The following EPB41L1 variants were observed in gnomAD, a reference collection of about 807,000 sequenced individuals.
EPB41L1 encodes band 4.1-like protein 1.
A neutral mutation model predicts 97.8 loss-of-function variants in EPB41L1; 29 were observed. The observed-to-expected ratio is 0.30, with a 90% CI of 0.22 to 0.40. The LOEUF (loss-of-function observed/expected upper bound fraction) is 0.40, where lower values mean the gene tolerates loss of function less well. Ranked by LOEUF, EPB41L1 falls within the 10% of genes least tolerant of loss-of-function variation. The pLI is 1.00. For missense variants in EPB41L1, 812 were observed against 1,162.3 expected, an observed-to-expected ratio of 0.70 and a Z score of 4.38; for synonymous variants, 383 against 459.2, an observed-to-expected ratio of 0.83 and a Z score of 2.12.
chr20:36,225,057 A>G (rs2064030009), intron 21 of EPB41L1, among the ~76,000 whole-genome samples: 1 of 152,228 alleles, frequency 6.6e-6, no homozygotes, highest in Non-Finnish European at 1.5e-5. Context: ...CCTGACCTCA[A>G]GTGATCTGCC....
intron 14 of EPB41L1, chr20:36,208,380 T>C (rs2062946337): frequency 2.2e-6 from 1 of 446,642 alleles, no homozygotes; most frequent in Non-Finnish European, 4.5e-6. Context: ...GGGGGGCGCC[T>C]GAGATTTGCC....
At chr20:36,097,627 G>A (rs2057874549) in intron 1 of EPB41L1, among the ~76,000 whole-genome samples, 1 of 152,224 alleles carries the variant, frequency 6.6e-6, no homozygotes, top group Non-Finnish European at 1.5e-5. Flanking sequence ...CCACCGCAAG[G>A]ACAATGTACA....
intron 1 of EPB41L1, among the ~76,000 whole-genome samples, chr20:36,097,751 G>A (rs1018289022): frequency 3.3e-5 from 5 of 152,202 alleles, no homozygotes; most frequent in African/African-American, 7.2e-5. Context: ...AAGGCAGAAC[G>A]GCTTCTTAGG....
At chr20:36,205,096 A>G (rs943023450) in intron 14 of EPB41L1, among the ~76,000 whole-genome samples, 1 of 152,220 alleles carries the variant, frequency 6.6e-6, no homozygotes, top group African/African-American at 2.4e-5. Context: ...CACAGTGTTC[A>G]AGCTGTTTAA....
chr20:36,152,135 G>A (rs1569142776), upstream of EPB41L1: 1 of 152,094 alleles, frequency 6.6e-6, no homozygotes, highest in Non-Finnish European at 1.5e-5. Context: ...GATGAGGGAT[G>A]ATATTATCTC....
intron 14 of EPB41L1, among the ~76,000 whole-genome samples, chr20:36,202,283 G>A (rs561813316): frequency 6.6e-6 from 1 of 152,338 alleles, no homozygotes; most frequent in African/African-American, 2.4e-5. Flanking sequence ...TAACTATTGG[G>A]AAGTTTTCGT....
intron 1 of EPB41L1, among the ~76,000 whole-genome samples, chr20:36,169,381 A>G (rs2060880645): frequency 6.6e-6 from 1 of 151,990 alleles, no homozygotes; most frequent in Non-Finnish European, 1.5e-5. Context: ...CGCCTGCTCT[A>G]CCTCCCTTCA....
rs1017329615 is a variant in EPB41L1, at chr20:36,231,740, C to T, written c.*2400C>T. 1 of 152,644 alleles carries T rather than the reference C, an allele frequency of 6.6e-6. No individual in the cohort carries two copies. Among genetic ancestry groups the T allele is most frequent in the Admixed American group, 6.5e-5 (1 of 15,290 alleles). 9.5% of individuals were successfully genotyped at this position (152,644 alleles called of 1,614,324 possible). A position where few individuals can be genotyped will look rare whatever the true frequency, so the allele number is the denominator to read the frequency against. On this transcript the variant is annotated 3_prime_UTR_variant, in exon 22 of 22. Coordinates refer to ENST00000338074, the MANE Select transcript of EPB41L1 (RefSeq NM_012156.2). ...CCCCTGGTGCAGGCCGGTGGGTCCA[C>T]TCCAACTCCCCCTGAGTGTAGCAGC... is the stretch of plus-strand genomic sequence containing the variant.
intron 1 of EPB41L1, among the ~76,000 whole-genome samples, chr20:36,162,940 C>T (rs1407945795): frequency 6.6e-6 from 1 of 152,200 alleles, no homozygotes; most frequent in Non-Finnish European, 1.5e-5. Context: ...TCTTGCCTGG[C>T]TGTGAAAGTG....
intron 1 of EPB41L1, among the ~76,000 whole-genome samples, chr20:36,105,538 C>T (rs984325665): frequency 6.6e-6 from 1 of 152,178 alleles, no homozygotes; most frequent in East Asian, 1.9e-4. Flanking sequence ...ATTTATTGAG[C>T]ACCTATTATG....
chr20:36,222,663 A>T lies in EPB41L1; in HGVS notation c.2637+269A>T, dbSNP rs190880723. Among the ~76,000 whole-genome samples the T allele has an allele frequency of 8.3e-3, 1,271 of 152,228 alleles. 8 individuals carry two copies. Among genetic ancestry groups the T allele is most frequent in the Non-Finnish European group, 0.014 (966 of 67,996 alleles). ...AAAATAAATCCAGAAGTGGTTAAAA[A>T]TTTTTTTAAAGGGAGGGAAATGGAG... On this transcript the variant is annotated intron_variant, in intron 21 of 21. Transcript: ENST00000338074.
chr20:36,183,415 C>A (rs777593045), intron 6 of EPB41L1, among the ~76,000 whole-genome samples: 1 of 152,216 alleles, frequency 6.6e-6, no homozygotes, highest in African/African-American at 2.4e-5. Context: ...CGTCATTAGT[C>A]CTAGTTCTGA....
intron 1 of EPB41L1, among the ~76,000 whole-genome samples, chr20:36,098,606 C>G (rs1013469854): frequency 4.6e-5 from 7 of 152,222 alleles, no homozygotes; most frequent in African/African-American, 1.7e-4. Context: ...ATTTAGAACC[C>G]ACCCTAGTCC....
chr20:36,198,941 G>T (rs187251481), intron 14 of EPB41L1, among the ~76,000 whole-genome samples: 1 of 152,284 alleles, frequency 6.6e-6, no homozygotes, highest in African/African-American at 2.4e-5. Context: ...TGGGGATGTT[G>T]TAAGGATTAA....
intron 2 of EPB41L1, among the ~76,000 whole-genome samples, chr20:36,119,157 C>G (rs929142974): frequency 1.3e-5 from 2 of 152,240 alleles, no homozygotes; most frequent in African/African-American, 4.8e-5. Context: ...ACTAATCACA[C>G]ATGACTATGG....
chr20:36,218,422 C>G (rs2063569685), intron 17 of EPB41L1, among the ~76,000 whole-genome samples: 1 of 152,186 alleles, frequency 6.6e-6, no homozygotes, highest in African/African-American at 2.4e-5. Flanking sequence ...GTTTGCAAAA[C>G]CTTTTCTACT....
At chr20:36,145,714 C>T (rs2059807050) in intron 2 of EPB41L1, among the ~76,000 whole-genome samples, 1 of 152,250 alleles carries the variant, frequency 6.6e-6, no homozygotes, top group East Asian at 1.9e-4. Flanking sequence ...TGTTCTACAT[C>T]TGCACCGTCC....
At chr20:36,105,341 T>A (rs1057132712) in intron 1 of EPB41L1, among the ~76,000 whole-genome samples, 1 of 152,174 alleles carries the variant, frequency 6.6e-6, no homozygotes, top group Admixed American at 6.5e-5. Flanking sequence ...GAGCCATGTC[T>A]CTGGCATGCC....
intron 2 of EPB41L1, among the ~76,000 whole-genome samples, chr20:36,144,040 A>G (rs1412806238): frequency 6.6e-6 from 1 of 151,882 alleles, no homozygotes; most frequent in Non-Finnish European, 1.5e-5. Flanking sequence ...TTTAGTAGAG[A>G]TGGGGTTTCA....
Sources: allele counts gnomAD v4.1 joint callset (sites outside exome capture counted in the v4.1 genomes callset), GRCh38; gene constraint gnomAD v4.1.1; transcripts MANE v1.5; gene names NCBI Gene and HGNC (gene_info 2026-07-23, HGNC 2026-07-21).